DISC1: variants seen among roughly 807,000 people sequenced by gnomAD.
DISC1 encodes disrupted in schizophrenia 1 protein.
Under a neutral mutation model 84.5 loss-of-function variants are expected in DISC1, and 57 were observed. The observed-to-expected ratio is 0.67, with a 90% CI of 0.55 to 0.84. DISC1 has a LOEUF of 0.84. DISC1 is among the 40% of genes least tolerant of loss of function. The probability of loss-of-function intolerance (pLI) is 0.00; values close to 1 mark genes in which losing one functional copy is unlikely to be tolerated. For synonymous variants in DISC1, 411 were observed against 415.2 expected, an observed-to-expected ratio of 0.99 and a Z score of 0.12; for missense variants, 1,000 against 1,057.8, an observed-to-expected ratio of 0.95 and a Z score of 0.76.
In DISC1 at chr1:232,032,606, T is replaced by C. The variant is rs1336099477; in HGVS notation, c.2426-4086T>C. Among the ~76,000 whole-genome samples the C allele has an allele frequency of 2.6e-5, 4 of 152,190 alleles. No homozygotes were observed. The East Asian group carries it at 5.8e-4, about 22-fold the overall frequency. On this transcript the variant is annotated intron_variant, in intron 12 of 12. Transcript: ENST00000439617. ...TAATGAATCTGCTAATTTTCTTAGATACCACAGGTACTTGGTGGCATATCT... is the reference window on the plus strand; with the variant it reads ...TAATGAATCTGCTAATTTTCTTAGACACCACAGGTACTTGGTGGCATATCT...
chr1:231,805,502 T>A (rs2079633179), intron 8 of DISC1, among the ~76,000 whole-genome samples: 1 of 150,698 alleles, frequency 6.6e-6, no homozygotes, highest in Non-Finnish European at 1.5e-5. Context: ...GTGGGGGAGG[T>A]GCCACGCACT....
intron 9 of DISC1, among the ~76,000 whole-genome samples, chr1:231,898,765 C>G (rs2087905844): frequency 1.3e-5 from 2 of 151,962 alleles, no homozygotes; most frequent in Admixed American, 1.3e-4. Context: ...AGTCCCATCT[C>G]TACTAAAAAT....
intron 1 of DISC1, among the ~76,000 whole-genome samples, chr1:231,644,388 A>G (rs935007638): frequency 1.3e-5 from 2 of 152,234 alleles, no homozygotes; most frequent in African/African-American, 4.8e-5. Context: ...GGAAAGCTAC[A>G]TATCCCAGGC....
intron 12 of DISC1, among the ~76,000 whole-genome samples, chr1:232,027,824 T>G (rs1669622519): frequency 6.6e-6 from 1 of 151,894 alleles, no homozygotes; most frequent in African/African-American, 2.4e-5. Flanking sequence ...TGTGTGTGTG[T>G]GTGTGTATAA....
chr1:231,982,513 T>C (rs1238557297), intron 10 of DISC1, among the ~76,000 whole-genome samples: 1 of 152,232 alleles, frequency 6.6e-6, no homozygotes, highest in Non-Finnish European at 1.5e-5. Context: ...CTTCGCTCTC[T>C]TGAAGCTTAC....
At chr1:231,701,176 C>T (rs1377536872) in intron 2 of DISC1, among the ~76,000 whole-genome samples, 3 of 152,100 alleles carry the variant, frequency 2.0e-5, no homozygotes, top group Non-Finnish European at 2.9e-5. Flanking sequence ...GGCAAGAGGG[C>T]GCTTGTGCAG....
chr1:232,003,550 G>A (rs1307228862), intron 10 of DISC1, among the ~76,000 whole-genome samples: 1 of 152,078 alleles, frequency 6.6e-6, no homozygotes, highest in Non-Finnish European at 1.5e-5. Context: ...GAAACTCATA[G>A]ATGAAGCAAA....
chr1:231,969,368 C>G (rs575412115), intron 10 of DISC1, among the ~76,000 whole-genome samples: 1 of 152,044 alleles, frequency 6.6e-6, no homozygotes, highest in South Asian at 2.1e-4. Context: ...CACACTGCTG[C>G]TCTCAGAATG....
chr1:231,723,449 C>T (rs1028469628), intron 3 of DISC1: 9 of 985,374 alleles, frequency 9.1e-6, no homozygotes, highest in East Asian at 1.1e-4. Flanking sequence ...CGACCTTACT[C>T]TTTGTGCAGA....
At chr1:231,775,974 C>T (rs2076934900) in intron 6 of DISC1, among the ~76,000 whole-genome samples, 1 of 152,088 alleles carries the variant, frequency 6.6e-6, no homozygotes, top group Non-Finnish European at 1.5e-5. Flanking sequence ...GAGGAGGTGA[C>T]AGTGTCCAAG....
At chr1:231,656,305 CTATT>C (rs1370813836) in intron 1 of DISC1, among the ~76,000 whole-genome samples, 1 of 152,100 alleles carries the variant, frequency 6.6e-6, no homozygotes, top group Non-Finnish European at 1.5e-5. Flanking sequence ...CTACATGTTG[CTATT>C]TAGTTTTCCC....
chr1:232,005,972 G>C (rs573731453), intron 10 of DISC1, among the ~76,000 whole-genome samples: 3 of 152,200 alleles, frequency 2.0e-5, no homozygotes, highest in African/African-American at 7.2e-5. Context: ...TGTCAACATT[G>C]AATTTACATT....
chr1:231,759,266 A>G (rs939480535), intron 4 of DISC1, among the ~76,000 whole-genome samples: 26 of 152,194 alleles, frequency 1.7e-4, no homozygotes, highest in Non-Finnish European at 3.1e-4. Flanking sequence ...AGTGTCACAG[A>G]ATTCAGTGAT....
At chr1:231,868,695 TATATA>T (rs2085233415) in intron 9 of DISC1, among the ~76,000 whole-genome samples, 1 of 1,946 alleles carries the variant, frequency 5.1e-4, no homozygotes, top group Non-Finnish European at 7.8e-4. Flanking sequence ...CCATCTCTTA[TATATA>T]TATATATATA....
chr1:231,795,350 A>G, intron 7 of DISC1, 54 bp downstream of exon 7: 1 of 1,487,348 alleles, frequency 6.7e-7, no homozygotes, highest in African/African-American at 1.4e-5. Flanking sequence ...TTTTCGTTTG[A>G]CTTGATTTTA....
intron 11 of DISC1, among the ~76,000 whole-genome samples, chr1:232,019,982 C>T (rs1259309602): frequency 6.6e-6 from 1 of 152,146 alleles, no homozygotes; most frequent in East Asian, 1.9e-4. Context: ...GGGAAGAGAA[C>T]ACCATGTCTA....
At chr1:232,030,335 A>G (rs1362854091) in intron 12 of DISC1, among the ~76,000 whole-genome samples, 1 of 152,234 alleles carries the variant, frequency 6.6e-6, no homozygotes, top group Non-Finnish European at 1.5e-5. Context: ...TTTAAGCAGG[A>G]ATTTTCTCAT....
chr1:231,637,811 A>T (rs1374945745), intron 1 of DISC1, among the ~76,000 whole-genome samples: 1 of 152,234 alleles, frequency 6.6e-6, no homozygotes, highest in Non-Finnish European at 1.5e-5. Context: ...ATGTGAGTCC[A>T]GGTATTTTTC....
intron 6 of DISC1, among the ~76,000 whole-genome samples, chr1:231,780,652 A>G (rs1411128736): frequency 3.4e-4 from 39 of 115,962 alleles, no homozygotes; most frequent in African/African-American, 1.3e-3. Context: ...CAGCCATCCC[A>G]TTACTGGGTA....
Sources: gnomAD v4.1 joint callset for allele counts (sites outside exome capture counted in the v4.1 genomes callset) on GRCh38, gnomAD v4.1.1 for gene constraint, MANE v1.5 for transcripts, NCBI Gene and HGNC (gene_info 2026-07-23, HGNC 2026-07-21) for gene names.